Variants in OSBPL1A observed in about 807,000 individuals in gnomAD.
OSBPL1A encodes the protein oxysterol binding protein like 1A, also known as oxysterol-binding protein-related protein 1.
OSBPL1A carries 80 observed loss-of-function variants against 137.1 expected under a neutral mutation model. That is an observed-to-expected ratio of 0.58 (90% CI 0.49 to 0.70). The LOEUF (loss-of-function observed/expected upper bound fraction) is 0.70. Among genes scored for constraint, OSBPL1A ranks in the 30% least tolerant of loss-of-function variants. OSBPL1A has a pLI of 0.00. For missense variants in OSBPL1A, 970 were observed against 1,129.4 expected, an observed-to-expected ratio of 0.86 and a Z score of 2.02; for synonymous variants, 365 against 389.7, an observed-to-expected ratio of 0.94 and a Z score of 0.75.
chr18:24,185,764 TAA>T (rs993124600), intron 18 of OSBPL1A, among the ~76,000 whole-genome samples: 5 of 152,148 alleles, frequency 3.3e-5, no homozygotes, highest in African/African-American at 1.2e-4. Context: ...CTTTATAAAA[TAA>T]AAGTCTTTTG....
chr18:24,215,775 G>T (rs1446281778), intron 17 of OSBPL1A, among the ~76,000 whole-genome samples: 1 of 152,166 alleles, frequency 6.6e-6, no homozygotes, highest in African/African-American at 2.4e-5. Flanking sequence ...GTGGGCAGAA[G>T]AAACAGGTTA....
chr18:24,377,228 A>T (rs549630277), intron 2 of OSBPL1A, among the ~76,000 whole-genome samples, 185 bp downstream of exon 2: 1 of 152,380 alleles, frequency 6.6e-6, no homozygotes, highest in African/African-American at 2.4e-5. Flanking sequence ...AGAATTTAAA[A>T]TTCTTATGTC....
chr18:24,334,379 C>A, intron 5 of OSBPL1A, 49 bp from the exon 6 acceptor site: 1 of 1,429,898 alleles, frequency 7.0e-7, no homozygotes, highest in Non-Finnish European at 9.6e-7. Flanking sequence ...GATCCAATTA[C>A]AAATTCATTA....
At chr18:24,164,996 A>G (rs2086112083) in intron 27 of OSBPL1A, 69 bp downstream of exon 27, 1 of 1,500,464 alleles carries the variant, frequency 6.7e-7, no homozygotes, top group Non-Finnish European at 9.2e-7. Flanking sequence ...AGTGTCTGGC[A>G]TCCCTGCCTC....
intron 21 of OSBPL1A, among the ~76,000 whole-genome samples, chr18:24,175,104 GTATGTATATATATATATATATATA>G (rs1314772099): frequency 7.0e-5 from 3 of 42,720 alleles, no homozygotes; most frequent in Non-Finnish European, 1.5e-4. Flanking sequence ...TTTGCCATGT[GTATGTATATATATATATATATATA>G]TATATATACA....
intron 1 of OSBPL1A, among the ~76,000 whole-genome samples, chr18:24,396,224 T>A (rs1186537664): frequency 2.2e-4 from 31 of 139,990 alleles, no homozygotes; most frequent in South Asian, 4.6e-4. Flanking sequence ...TGTCTCAATT[T>A]AAAAAAAAAA....
At chr18:24,193,503 AAG>A (rs2086947049) in intron 18 of OSBPL1A, among the ~76,000 whole-genome samples, 1 of 151,962 alleles carries the variant, frequency 6.6e-6, no homozygotes, top group Non-Finnish European at 1.5e-5. Context: ...AAAAAAAAAA[AAG>A]TGGTAATATT....
chr18:24,209,751 T>C (rs536672025), intron 17 of OSBPL1A, among the ~76,000 whole-genome samples: 4 of 152,288 alleles, frequency 2.6e-5, no homozygotes, highest in South Asian at 2.1e-4. Context: ...AGACACGGTG[T>C]TGAGTGACTA....
At chr18:24,309,007 G>A (rs1568016421) in intron 13 of OSBPL1A, among the ~76,000 whole-genome samples, 1 of 152,142 alleles carries the variant, frequency 6.6e-6, no homozygotes, top group Non-Finnish European at 1.5e-5. Context: ...CTGACCTCAA[G>A]TGATCCACCC....
chr18:24,364,426 C>T (rs1477359992), intron 4 of OSBPL1A, among the ~76,000 whole-genome samples: 1 of 152,116 alleles, frequency 6.6e-6, no homozygotes, highest in African/African-American at 2.4e-5. Context: ...ACAGGCTCAC[C>T]ACTAGGCTAC....
chr18:24,325,095 A>AAAAG (rs111995094), intron 7 of OSBPL1A, among the ~76,000 whole-genome samples: 25,701 of 151,626 alleles, frequency 0.17, 2,210 homozygotes, highest in Middle Eastern at 0.19. Context: ...CGAAACAAAA[A>AAAAG]AAAGAAAGAA....
At chr18:24,281,239 C>T (rs1302805646) in intron 14 of OSBPL1A, among the ~76,000 whole-genome samples, 1 of 151,734 alleles carries the variant, frequency 6.6e-6, no homozygotes, top group African/African-American at 2.4e-5. Flanking sequence ...GCGCACACCA[C>T]CACGCCCAGC....
At chr18:24,328,175 G>T (rs1331256290) in intron 7 of OSBPL1A, among the ~76,000 whole-genome samples, 1 of 147,398 alleles carries the variant, frequency 6.8e-6, no homozygotes, top group Non-Finnish European at 1.5e-5. Context: ...CCAAGTAGCT[G>T]GGACTACCAG....
At chr18:24,212,756 T>A (rs2087582858) in intron 17 of OSBPL1A, among the ~76,000 whole-genome samples, 1 of 152,220 alleles carries the variant, frequency 6.6e-6, no homozygotes, top group Non-Finnish European at 1.5e-5. Flanking sequence ...TTAGTTGTAA[T>A]GTACATGAAG....
chr18:24,169,543 T>A (rs920961472), intron 24 of OSBPL1A, among the ~76,000 whole-genome samples: 2 of 152,266 alleles, frequency 1.3e-5, no homozygotes, highest in African/African-American at 4.8e-5. Context: ...TAGGTGCTAT[T>A]ATAGTGCCCG....
chr18:24,290,657 T>G (rs1180155305), intron 14 of OSBPL1A, among the ~76,000 whole-genome samples: 1 of 152,132 alleles, frequency 6.6e-6, no homozygotes, highest in Non-Finnish European at 1.5e-5. Context: ...CACTCCAGCC[T>G]GGGCAACAGA....
At chr18:24,370,261 AC>A (rs1368589462) in intron 2 of OSBPL1A, among the ~76,000 whole-genome samples, 3 of 152,166 alleles carry the variant, frequency 2.0e-5, no homozygotes, top group African/African-American at 7.2e-5. Context: ...TTAGTTGATG[AC>A]TTCTCCACTC....
intron 2 of OSBPL1A, among the ~76,000 whole-genome samples, chr18:24,376,346 CAG>C (rs552824963): frequency 5.3e-5 from 8 of 152,222 alleles, no homozygotes; most frequent in Non-Finnish European, 5.9e-5. Flanking sequence ...TAGCTAGATA[CAG>C]AGTATTGATT....
rs1032203177 is a variant in OSBPL1A, at chr18:24,166,632, T to C, written c.2606A>G (p.Lys869Arg). The change falls in exon 26 of 28, where the codon AAG becomes AGG. Residue 869 changes from lysine (K) to arginine (R), a missense_variant. Lys to Arg is a conservative substitution (Grantham distance 26). This residue lies in a region of OSBPL1A where 323 missense variants were observed against 456.8 expected (regional missense o/e 0.71). Transcript: ENST00000319481. ...GTCAGGCCGTAACCTGCAGTCTGTCTTGGGAATCACACTCTCCATGTCTTT... is the reference window on the plus strand; with the variant it reads ...GTCAGGCCGTAACCTGCAGTCTGTCCTGGGAATCACACTCTCCATGTCTTT... ...VDKDMESVIP[K>R]TDCRLRPDIR... 1 of 1,613,694 alleles carries C rather than the reference T, an allele frequency of 6.2e-7. No homozygotes were observed. Among genetic ancestry groups the C allele is most frequent in the South Asian group, 1.1e-5 (1 of 90,978 alleles).
Sources: gnomAD v4.1 joint callset for allele counts (sites outside exome capture counted in the v4.1 genomes callset) on GRCh38, gnomAD v4.1.1 for gene constraint, gnomAD v4.1.1 regional missense constraint, MANE v1.5 for transcripts, NCBI Gene and HGNC (gene_info 2026-07-23, HGNC 2026-07-21) for gene names.